Variants in BTD observed in about 807,000 individuals in gnomAD.
BTD encodes the protein biocytinase.
Under a neutral mutation model 17.7 loss-of-function variants are expected in BTD, and 13 were observed. That is an observed-to-expected ratio of 0.74 (90% confidence interval 0.48 to 1.17). The LOEUF (loss-of-function observed/expected upper bound fraction) is 1.17. Ranked by LOEUF, BTD falls within the 50% of genes most tolerant of loss-of-function variation. The pLI, the probability that BTD is intolerant of heterozygous loss-of-function variation, is 0.00. For missense variants in BTD, 674 were observed against 650.4 expected (o/e 1.04, Z -0.39); for synonymous variants, 240 against 245.2 (o/e 0.98, Z 0.20).
downstream of BTD, among the ~76,000 whole-genome samples, chr3:15,657,522 C>T (rs1233595381): frequency 6.6e-6 from 1 of 152,148 alleles, no homozygotes; most frequent in Non-Finnish European, 1.5e-5. Context: ...AGGTTTTGAA[C>T]ATAAGCAGTT....
At chr3:15,619,352 A>C (rs1382345695) in intron 1 of BTD, among the ~76,000 whole-genome samples, 1 of 152,042 alleles carries the variant, frequency 6.6e-6, no homozygotes, top group Admixed American at 6.6e-5. Flanking sequence ...ACAGGGTATC[A>C]CTCTGTCACA....
At chr3:15,699,811 G>T (rs1191659709) in intron 3 of BTD, among the ~76,000 whole-genome samples, 1 of 152,286 alleles carries the variant, frequency 6.6e-6, no homozygotes, top group East Asian at 1.9e-4. Context: ...TTCAACCATT[G>T]TGGAAGACAG....
chr3:15,602,000 G>T, intron 1 of BTD, 106 bp downstream of exon 1: 8 of 1,542,266 alleles, frequency 5.2e-6, no homozygotes, highest in South Asian at 3.6e-5. Flanking sequence ...CGCAAAGGCT[G>T]CCGGGAGCTG....
rs761407855 is a variant in BTD at position 15,705,841 on chromosome 3, T to A, written c.400-4219T>A. On this transcript the variant is annotated intron_variant, in intron 3 of 3. Coordinates refer to the BTD transcript ENST00000672141. ...CATGGTGAATCTGTCTCTACTAAAA[T>A]TACAAAAATTAGCCAGGCATGGTGG... Among the ~76,000 whole-genome samples, 35 of 147,840 alleles carry A rather than the reference T, an allele frequency of 2.4e-4. 1 individual carries two copies. The highest frequency in any genetic ancestry group is 1.9e-4 in the Non-Finnish European group (13 of 67,656).
At chr3:15,711,234 A>G (rs760774644) in exon 4 of BTD, 1 of 1,612,942 alleles carries the variant, frequency 6.2e-7, no homozygotes, top group Admixed American at 1.7e-5. Context: ...CTGCATGTAG[A>G]CAAGTCCTGC....
intron 3 of BTD, among the ~76,000 whole-genome samples, chr3:15,694,450 A>G (rs970278323): frequency 1.3e-5 from 2 of 151,878 alleles, no homozygotes; most frequent in African/African-American, 2.4e-5. Context: ...TCACAGGCAT[A>G]TTCTCCATAT....
At position 15,645,455 on chromosome 3, in the gene BTD, G is replaced by A. The variant is rs745376296; in HGVS notation, c.1539G>A (p.Ala513=). ...GGCTGTCCTCTGGGCTGGTGACGGC[G>A]GCTCTCTATGGGCGCTTGTATGAGA... ...KSRLSSGLVT[A]ALYGRLYERD The change falls in exon 4 of 4, where the codon GCG becomes GCA. Residue 513 remains alanine (A), a synonymous_variant. Coordinates refer to ENST00000643237, the MANE Select transcript of BTD (RefSeq NM_001370658.1). 54 of 1,610,896 alleles carry A rather than the reference G, an allele frequency of 3.4e-5. 1 individual carries two copies. The highest frequency in any genetic ancestry group is 3.3e-4 in the Admixed American group (20 of 60,004).
chr3:15,693,958 T>G (rs1431784774), intron 3 of BTD, among the ~76,000 whole-genome samples: 1 of 152,138 alleles, frequency 6.6e-6, no homozygotes, highest in East Asian at 1.9e-4. Context: ...TGTTCCACAT[T>G]AAATTAAGGA....
chr3:15,697,285 G>T (rs1440220714), intron 3 of BTD: 1 of 153,084 alleles, frequency 6.5e-6, no homozygotes. Flanking sequence ...GACTCAGGGG[G>T]AAGTTCCCAA....
At chr3:15,714,911 T>A (rs966212543), downstream of BTD, among the ~76,000 whole-genome samples, 1 of 152,182 alleles carries the variant, frequency 6.6e-6, no homozygotes, top group African/African-American at 2.4e-5. Flanking sequence ...AGTAAGGATG[T>A]GTCTCCCAAG....
At position 15,635,508 on chromosome 3, in the gene BTD, C is replaced by A; in HGVS notation, c.69C>A (p.His23Gln). 6.2e-7 allele frequency: 1 copy of A among 1,614,202 alleles called. No individual in the cohort carries two copies. The highest frequency in any genetic ancestry group is 1.1e-5 in the South Asian group (1 of 91,082). ...CGCYVVALGA[H>Q]TGEESVADHH... Reference sequence around the variant, plus strand: ...GTTACGTGGTTGCCCTGGGAGCCCACACCGGGGAGGAGAGCGTGGCTGACC... The same window carrying A: ...GTTACGTGGTTGCCCTGGGAGCCCAAACCGGGGAGGAGAGCGTGGCTGACC... Residue 23 changes from histidine (H) to glutamine (Q), a missense_variant, in exon 2 of 4, where the codon CAC becomes CAA. His to Gln is a conservative substitution (Grantham distance 24). Transcript: ENST00000643237. This position sits in a 1 kb window ranked among gnomAD's most constrained non-coding sequence, Gnocchi z 4.1.
At chr3:15,708,050 T>C (rs767161861) in intron 3 of BTD, 1 of 1,606,026 alleles carries the variant, frequency 6.2e-7, no homozygotes, top group Non-Finnish European at 8.5e-7. Flanking sequence ...GGCAGCAGCG[T>C]AGTGCAGTGG....
intron 2 of BTD, among the ~76,000 whole-genome samples, chr3:15,638,513 A>G (rs1240169256): frequency 6.6e-6 from 1 of 152,248 alleles, no homozygotes; most frequent in Non-Finnish European, 1.5e-5. Context: ...GGTTGAAATC[A>G]AAGATATGTA....
Position 15,641,083 on chromosome 3 carries a change from G to A in BTD, c.250-825G>A, listed in dbSNP as rs142530556. On this transcript the variant is annotated intron_variant, in intron 2 of 3. Transcript: ENST00000643237. ...AGTGGAAGAATGATGCCCCAGCCCTGAGAGCTGAGGGCGGCCCTGTTTGTA... is the reference window on the plus strand; with the variant it reads ...AGTGGAAGAATGATGCCCCAGCCCTAAGAGCTGAGGGCGGCCCTGTTTGTA... Among the ~76,000 whole-genome samples the A allele has an allele frequency of 3.0e-3, 458 of 152,314 alleles. 15 individuals are homozygous for A. The East Asian group carries it at 0.08, about 27-fold the overall frequency.
At position 15,648,110 on chromosome 3, in the gene BTD, G is replaced by C. The variant is rs1401928120; in HGVS notation, c.*2622G>C. 6.6e-6 allele frequency among the ~76,000 whole-genome samples: 1 copy of C among 152,186 alleles called. No individual in the cohort carries two copies. The highest frequency in any genetic ancestry group is 2.4e-5 in the African/African-American group (1 of 41,432). ...CCCAGCCCAAGGCCAGCCAATCAGA[G>C]CACTGGCTAGTAGCCCAGGAGGTGT... On this transcript the variant is annotated 3_prime_UTR_variant, in exon 4 of 4. Transcript: ENST00000643237.
chr3:15,626,906 A>T (rs1171024779), intron 1 of BTD, among the ~76,000 whole-genome samples: 1 of 152,190 alleles, frequency 6.6e-6, no homozygotes, highest in East Asian at 1.9e-4. Flanking sequence ...ACCAGAATGC[A>T]GCTATGGCTG....
intron 3 of BTD, chr3:15,685,148 A>C: frequency 1.3e-6 from 2 of 1,511,820 alleles, no homozygotes; most frequent in Non-Finnish European, 1.8e-6. Flanking sequence ...TTTAAACTTA[A>C]AATTTGCCTT....
downstream of BTD, among the ~76,000 whole-genome samples, chr3:15,715,181 C>G (rs146505703): frequency 2.8e-4 from 42 of 152,214 alleles, 1 homozygote; most frequent in Admixed American, 2.7e-3. Context: ...TAAAGGAGTT[C>G]CAAATATGAA....
chr3:15,652,050 C>T lies in BTD; in HGVS notation c.*6562C>T, dbSNP rs896967090. Among the ~76,000 whole-genome samples the T allele has an allele frequency of 2.7e-4, 41 of 152,322 alleles. 1 individual carries two copies. The highest frequency in any genetic ancestry group is 1.0e-3 in the Admixed American group (16 of 15,302). On this transcript the variant is annotated 3_prime_UTR_variant, in exon 4 of 4. Coordinates refer to ENST00000643237, the MANE Select transcript of BTD (RefSeq NM_001370658.1). ...TTGGGTTATAAAAGGTACTGCAGAC[C>T]GGGCACGGTGGCTTACGCCTGTAAT...
Sources: allele counts gnomAD v4.1 joint callset (sites outside exome capture counted in the v4.1 genomes callset), GRCh38; gene constraint gnomAD v4.1.1; non-coding constraint Gnocchi (gnomAD v3.1); transcripts MANE v1.5; gene names NCBI Gene and HGNC (gene_info 2026-07-23, HGNC 2026-07-21).